The following SLC6A12 variants were observed in gnomAD, a reference collection of about 807,000 sequenced individuals.
SLC6A12 encodes the protein sodium- and chloride-dependent betaine transporter.
A neutral mutation model predicts 73.3 loss-of-function variants in SLC6A12; 50 were observed. That is an observed-to-expected ratio of 0.68 (90% CI 0.54 to 0.86). The LOEUF (loss-of-function observed/expected upper bound fraction) is 0.86, where lower values mean the gene tolerates loss of function less well. Among genes scored for constraint, SLC6A12 ranks in the 40% least tolerant of loss-of-function variants. The probability of loss-of-function intolerance (pLI) is 0.00; values close to 1 mark genes in which losing one functional copy is unlikely to be tolerated. For synonymous variants in SLC6A12, 304 were observed against 309.2 expected (o/e 0.98, Z 0.18); for missense variants, 648 against 772.8 (o/e 0.84, Z 1.92).
rs201477185 is a variant in SLC6A12, at chr12:209,996, G to A, written c.-10C>T. On this transcript the variant is annotated 5_prime_UTR_variant, in exon 3 of 16. Transcript: ENST00000684302. ...CCACCTTCCCGTCCATGGCTGTGTG[G>A]TGGGTTGGGAAGCCCCGCTGGGTGG... is the stretch of plus-strand genomic sequence containing the variant. 1.2e-6 allele frequency: 2 copies of A among 1,613,814 alleles called. No homozygotes were observed. The highest frequency in any genetic ancestry group is 1.7e-6 in the Non-Finnish European group (2 of 1,179,726).
intron 1 of SLC6A12, among the ~76,000 whole-genome samples, chr12:212,608 G>GC (rs139608280): frequency 0.024 from 3,595 of 152,296 alleles, 123 homozygotes; most frequent in African/African-American, 0.072. Flanking sequence ...GAAAGCAAGA[G>GC]CAAGTGAAAA....
downstream of SLC6A12, among the ~76,000 whole-genome samples, chr12:185,832 C>G (rs567994334): frequency 6.6e-6 from 1 of 152,352 alleles, no homozygotes; most frequent in African/African-American, 2.4e-5. Context: ...CCTGTGCCAC[C>G]TGCCAGGCTT....
intron 14 of SLC6A12, among the ~76,000 whole-genome samples, chr12:192,856 CGG>C (rs1565465392): frequency 2.8e-5 from 3 of 106,418 alleles, no homozygotes; most frequent in Non-Finnish European, 3.9e-5. Flanking sequence ...GGGAGGGGCT[CGG>C]AAGAGCATCA....
At chr12:196,326 C>T in intron 11 of SLC6A12, 65 bp from the exon 12 acceptor site, 1 of 1,546,462 alleles carries the variant, frequency 6.5e-7, no homozygotes. Context: ...CAGCCCTGGC[C>T]TCCACTTCCC....
At chr12:204,212 C>A in intron 4 of SLC6A12, 1 of 266,832 alleles carries the variant, frequency 3.7e-6, no homozygotes, top group Non-Finnish European at 7.3e-6. Flanking sequence ...CACAGCACCC[C>A]GGGAGCACCC....
At chr12:193,247 G>C in intron 14 of SLC6A12, 30 bp downstream of exon 14, 1 of 1,489,690 alleles carries the variant, frequency 6.7e-7, no homozygotes, top group Non-Finnish European at 9.4e-7. Flanking sequence ...GGGGCAGGAA[G>C]GAATAGAGGG....
rs74057609 is a variant in SLC6A12, at chr12:198,911, C to A, written c.732G>T (p.Thr244=). Residue 244 remains threonine (T), a synonymous_variant, in exon 8 of 16, where the codon ACG becomes ACT. Coordinates refer to ENST00000684302, the MANE Select transcript of SLC6A12 (RefSeq NM_001122848.3). The surrounding 1 kb of genome is among the most constrained non-coding windows in gnomAD (Gnocchi z 4.0). ...AAATGACAAGCATCAGGTACGGAAA[C>A]GTGGCTGTGAAATAAACCACCTGGA... ...STGKVVYFTA[T]FPYLMLVILL... is the part of the protein sequence containing the mutation. The A allele has an allele frequency of 1.5e-3, 2,363 of 1,614,126 alleles. 34 individuals are homozygous for A. In the African/African-American group the frequency reaches 0.028, roughly 19 times the overall value.
Position 208,572 on chromosome 12 carries a change from CA to C in SLC6A12, c.214+1200del, listed in dbSNP as rs1004302284. Among the ~76,000 whole-genome samples, 4 of 151,424 alleles carry C rather than the reference CA, an allele frequency of 2.6e-5. 1 individual carries two copies. The South Asian group carries it at 8.4e-4, about 32-fold the overall frequency. ...AAAAATAAAAGTGATTTCAAAAGGC[CA>C]AAAAAAATGAATCTAACCACTCACA... is the stretch of plus-strand genomic sequence containing the variant. On this transcript the variant is annotated intron_variant, in intron 3 of 15. Transcript: ENST00000684302.
At chr12:205,920 G>A (rs190544996) in intron 3 of SLC6A12, among the ~76,000 whole-genome samples, 3 of 152,132 alleles carry the variant, frequency 2.0e-5, no homozygotes, top group East Asian at 3.9e-4. Flanking sequence ...TGTTATCATT[G>A]GACTTTTGGT....
chr12:187,139 A>G (rs1255354344), downstream of SLC6A12, among the ~76,000 whole-genome samples: 4 of 152,050 alleles, frequency 2.6e-5, no homozygotes, highest in Admixed American at 2.6e-4. Flanking sequence ...TTTTCATGCC[A>G]CACTGGCCAA....
Position 213,050 on chromosome 12 carries a change from C to T in SLC6A12, c.-143+872G>A, listed in dbSNP as rs532122299. Among the ~76,000 whole-genome samples, 9 of 152,270 alleles carry T rather than the reference C, an allele frequency of 5.9e-5. No homozygotes were observed. The highest frequency in any genetic ancestry group is 1.9e-4 in the African/African-American group (8 of 41,560). On this transcript the variant is annotated intron_variant, in intron 1 of 15. Transcript: ENST00000684302. The surrounding 1 kb of genome is among the most constrained non-coding windows in gnomAD (Gnocchi z 5.3). The stretch of plus-strand genomic sequence containing the variant: ...CTGTTTTCAGGAGCTGGGCATGTCG[C>T]CAGAGGCCCAGCTGGGGCTAGCAGA...
chr12:196,664 A>G, intron 11 of SLC6A12, 106 bp downstream of exon 11: 2 of 805,722 alleles, frequency 2.5e-6, no homozygotes, highest in South Asian at 1.5e-5. Flanking sequence ...AGGGGGCCTC[A>G]GGTGTGTGGT....
At chr12:212,558 G>A (rs1250662658) in intron 1 of SLC6A12, among the ~76,000 whole-genome samples, 2 of 152,132 alleles carry the variant, frequency 1.3e-5, no homozygotes, top group Admixed American at 6.5e-5. Context: ...CGGGAGGAGC[G>A]TAACTTGTGG....
intron 3 of SLC6A12, among the ~76,000 whole-genome samples, chr12:208,328 T>A (rs1245628882): frequency 6.6e-6 from 1 of 152,156 alleles, no homozygotes; most frequent in African/African-American, 2.4e-5. Context: ...CTACCGCTAT[T>A]TCTTAGGAGT....
intron 7 of SLC6A12, chr12:199,157 G>A (rs1940079636): frequency 7.9e-6 from 3 of 379,150 alleles, no homozygotes; most frequent in Admixed American, 8.0e-5. Flanking sequence ...GTGGGGAGGG[G>A]AGGAGGAAGA....
At chr12:189,173 T>C (rs987591132), downstream of SLC6A12, among the ~76,000 whole-genome samples, 5 of 151,890 alleles carry the variant, frequency 3.3e-5, no homozygotes, top group Non-Finnish European at 5.9e-5. Context: ...CGGGAAGTAC[T>C]GGACTAGCTG....
rs546131090 is a variant in SLC6A12, at chr12:201,408, C to T, written c.578+354G>A. ...GCCTTGGGCAATTTCAAGCTACTGGCATGACACCACCGAGCATGGCAGTGG... is the reference window on the plus strand; with the variant it reads ...GCCTTGGGCAATTTCAAGCTACTGGTATGACACCACCGAGCATGGCAGTGG... On this transcript the variant is annotated intron_variant, in intron 6 of 15. Coordinates refer to ENST00000684302, the MANE Select transcript of SLC6A12 (RefSeq NM_001122848.3). 8 of 259,076 alleles carry T rather than the reference C, an allele frequency of 3.1e-5. No homozygotes were observed. In the East Asian group the frequency reaches 8.0e-4, roughly 26 times the overall value. The allele number at this position is 259,076 out of a possible 1,614,324, so 16.0% of individuals were successfully genotyped here.
chr12:200,499 G>A (rs1940196744), intron 7 of SLC6A12, 152 bp downstream of exon 7: 1 of 728,886 alleles, frequency 1.4e-6, no homozygotes. Flanking sequence ...CCTTCCTGTG[G>A]CTCCCCCTGT....
downstream of SLC6A12, among the ~76,000 whole-genome samples, chr12:187,589 C>CAAAAGAAAAAAA (rs1939453849): frequency 9.4e-6 from 1 of 106,074 alleles, no homozygotes; most frequent in Non-Finnish European, 1.7e-5. Context: ...TGCAAAAGAG[C>CAAAAGAAAAAAA]AAAAAAAAAA....
Sources: gnomAD v4.1 joint callset for allele counts (sites outside exome capture counted in the v4.1 genomes callset) on GRCh38, gnomAD v4.1.1 for gene constraint, Gnocchi (gnomAD v3.1) non-coding constraint, MANE v1.5 for transcripts, NCBI Gene and HGNC (gene_info 2026-07-23, HGNC 2026-07-21) for gene names.